The following NCOR2 variants were observed in gnomAD, a reference collection of about 807,000 sequenced individuals.
The protein encoded by NCOR2 is nuclear receptor corepressor 2, also known as CTG repeat protein 26.
Under a neutral mutation model 262.9 loss-of-function variants are expected in NCOR2, and 81 were observed. The ratio of observed to expected loss-of-function variants is 0.31; its 90% CI spans 0.26 to 0.37. The LOEUF (loss-of-function observed/expected upper bound fraction) is 0.37. NCOR2 is among the 10% of genes least tolerant of loss of function. The pLI is 1.00. For synonymous variants in NCOR2, 1,659 were observed against 1,559.3 expected (o/e 1.06, Z -1.51); for missense variants, 3,385 against 3,621.4 (o/e 0.93, Z 1.68).
chr12:124,364,419 T>G (rs1424986238), intron 20 of NCOR2, among the ~76,000 whole-genome samples: 2 of 152,078 alleles, frequency 1.3e-5, no homozygotes, highest in Non-Finnish European at 2.9e-5. Context: ...CCACACACTA[T>G]CCACGAAGGA....
At chr12:124,336,590 A>G in intron 38 of NCOR2, 163 bp downstream of exon 40, 4 of 982,952 alleles carry the variant, frequency 4.1e-6, no homozygotes, top group Non-Finnish European at 4.8e-6. Context: ...AGAGATCTGA[A>G]AATATCTTTG....
intron 1 of NCOR2, among the ~76,000 whole-genome samples, chr12:124,519,132 AGG>A (rs2050031875): frequency 2.0e-5 from 3 of 146,802 alleles, no homozygotes; most frequent in African/African-American, 4.9e-5. Context: ...ACACACACAC[AGG>A]CCAACAATGA....
intron 38 of NCOR2, chr12:124,336,160 G>A (rs1051875769): frequency 3.1e-5 from 5 of 161,076 alleles, no homozygotes; most frequent in Admixed American, 2.3e-4. Flanking sequence ...GACAGGGCAA[G>A]ATGCAAGAGC....
At chr12:124,405,993 C>A (rs1188372823) in intron 13 of NCOR2, among the ~76,000 whole-genome samples, 2 of 152,184 alleles carry the variant, frequency 1.3e-5, no homozygotes, top group African/African-American at 4.8e-5. Flanking sequence ...CCAGGCCGCA[C>A]CCCACACCAA....
chr12:124,466,604 C>T (rs1168231075), intron 4 of NCOR2, among the ~76,000 whole-genome samples: 4 of 152,088 alleles, frequency 2.6e-5, no homozygotes, highest in East Asian at 1.9e-4. Context: ...GGCTGATTGC[C>T]GTGCCGCCAT....
At position 124,340,434 on chromosome 12, in the gene NCOR2, G is replaced by A. The variant is rs1408614058; in HGVS notation, c.5348C>T (p.Thr1783Ile). 1.9e-6 allele frequency: 3 copies of A among 1,611,940 alleles called. No homozygotes were observed. In the Admixed American group the frequency reaches 5.0e-5, roughly 27 times the overall value. The change falls in exon 36 of 47, where the codon ACA becomes ATA. Residue 1783 changes from threonine (T) to isoleucine (I), a missense_variant. By Grantham distance (89) the Thr-to-Ile change is moderately conservative. Around this residue, in one of 5 missense-constraint regions of NCOR2, gnomAD observed 1,615 missense variants for 1,626.9 expected, o/e 0.99. Transcript: ENST00000405201. ...CGTGGTGGTTGGTTTTGTCAAGTGT[G>A]TTGGACCTCCTAGGAAACCCAAAGG...
chr12:124,436,096 G>C (rs1034935149), intron 8 of NCOR2, among the ~76,000 whole-genome samples: 1 of 152,212 alleles, frequency 6.6e-6, no homozygotes, highest in African/African-American at 2.4e-5. Flanking sequence ...CCGTGTCACA[G>C]CAACTGCGAG....
At position 124,443,190 on chromosome 12, in the gene NCOR2, G is replaced by A. The variant is rs1307800143; in HGVS notation, c.816-5194C>T. ...TCCGGCGTGTGATCTTCCACAAACC[G>A]CGGTGCTGTCACTGCAGCTGGAAAA... On this transcript the variant is annotated intron_variant, in intron 7 of 46. Coordinates refer to ENST00000405201, the Ensembl canonical transcript of NCOR2. The surrounding 1 kb of genome is among the most constrained non-coding windows in gnomAD (Gnocchi z 4.4). Among the ~76,000 whole-genome samples, 4 of 152,180 alleles carry A rather than the reference G, an allele frequency of 2.6e-5. No homozygotes were observed. The highest frequency in any genetic ancestry group is 7.2e-5 in the African/African-American group (3 of 41,436).
At chr12:124,489,842 G>C (rs765112747) in intron 1 of NCOR2, among the ~76,000 whole-genome samples, 1 of 152,164 alleles carries the variant, frequency 6.6e-6, no homozygotes, top group Non-Finnish European at 1.5e-5. Context: ...AGATGCGGGG[G>C]GATGTTTGAG....
chr12:124,381,657 G>A (rs75341977), intron 17 of NCOR2, among the ~76,000 whole-genome samples: 2 of 152,258 alleles, frequency 1.3e-5, no homozygotes, highest in Non-Finnish European at 2.9e-5. Context: ...GAGGAGCTCA[G>A]ATTTGAATGC....
chr12:124,379,381 G>A (rs761913218), intron 17 of NCOR2, among the ~76,000 whole-genome samples: 101 of 152,184 alleles, frequency 6.6e-4, no homozygotes, highest in Non-Finnish European at 1.1e-3. Context: ...TTGTCCCCAC[G>A]CTGAGCCAGG....
At chr12:124,371,431 T>C (rs950033747) in intron 20 of NCOR2, among the ~76,000 whole-genome samples, 2 of 152,212 alleles carry the variant, frequency 1.3e-5, no homozygotes, top group African/African-American at 4.8e-5. Flanking sequence ...CAAGTTAAGA[T>C]GAAGCTGCAC....
At chr12:124,509,248 G>GGGT (rs1555234165) in intron 1 of NCOR2, among the ~76,000 whole-genome samples, 2 of 150,790 alleles carry the variant, frequency 1.3e-5, no homozygotes, top group Non-Finnish European at 2.9e-5. Context: ...GGGGGGGGGG[G>GGGT]GCTTAACTCT....
chr12:124,463,119 G>A (rs2046254657), intron 5 of NCOR2, among the ~76,000 whole-genome samples: 1 of 152,212 alleles, frequency 6.6e-6, no homozygotes, highest in Non-Finnish European at 1.5e-5. Context: ...CCAGCAACCT[G>A]TGCTGCACAA....
intron 45 of NCOR2, 106 bp downstream of exon 47, chr12:124,327,303 A>C (rs904360376): frequency 1.1e-6 from 1 of 926,182 alleles, no homozygotes; most frequent in Non-Finnish European, 1.6e-6. Flanking sequence ...TAAAGTCACA[A>C]GCTCCAAAGC....
At chr12:124,459,931 G>A (rs1370652759) in intron 5 of NCOR2, among the ~76,000 whole-genome samples, 1 of 152,148 alleles carries the variant, frequency 6.6e-6, no homozygotes, top group East Asian at 1.9e-4. Flanking sequence ...CTGAGCCTTT[G>A]CACCTACCGT....
intron 1 of NCOR2, among the ~76,000 whole-genome samples, 153 bp from the exon 4 acceptor site, chr12:124,486,721 G>A (rs965780065): frequency 1.8e-4 from 28 of 152,336 alleles, no homozygotes; most frequent in African/African-American, 2.4e-4. Context: ...CTCAGGGACC[G>A]TCTGGCCAGA....
chr12:124,357,672 G>A (rs187835424), intron 22 of NCOR2, among the ~76,000 whole-genome samples: 3 of 152,396 alleles, frequency 2.0e-5, no homozygotes, highest in Admixed American at 6.5e-5. Context: ...CTATGGCAGA[G>A]CTGAATCCTT....
At chr12:124,507,990 G>A (rs2049143016) in intron 1 of NCOR2, among the ~76,000 whole-genome samples, 1 of 152,164 alleles carries the variant, frequency 6.6e-6, no homozygotes, top group African/African-American at 2.4e-5. Context: ...AGTATTTCAG[G>A]GTAGATCCCT....
Sources: gnomAD v4.1 joint callset for allele counts (sites outside exome capture counted in the v4.1 genomes callset) on GRCh38, gnomAD v4.1.1 for gene constraint, gnomAD v4.1.1 regional missense constraint, Gnocchi (gnomAD v3.1) non-coding constraint, MANE v1.5 for transcripts, NCBI Gene and HGNC (gene_info 2026-07-23, HGNC 2026-07-21) for gene names.